Variants in AK5 observed in about 807,000 individuals in gnomAD.
AK5 encodes adenylate kinase 5.
AK5 carries 27 observed loss-of-function variants against 69.5 expected under a neutral mutation model. The ratio of observed to expected loss-of-function variants is 0.39; its 90% CI spans 0.29 to 0.54. The LOEUF is 0.54. AK5 is among the 20% of genes least tolerant of loss of function. The pLI is 0.71. For synonymous variants in AK5, 260 were observed against 244.4 expected, an observed-to-expected ratio of 1.06 and a Z score of -0.60; for missense variants, 531 against 700.4, an observed-to-expected ratio of 0.76 and a Z score of 2.73.
At chr1:77,423,527 C>T (rs922025534) in intron 8 of AK5, among the ~76,000 whole-genome samples, 1 of 151,954 alleles carries the variant, frequency 6.6e-6, no homozygotes, top group Non-Finnish European at 1.5e-5. Flanking sequence ...TTAGATCTGT[C>T]AGAGAAGTGA....
chr1:77,497,899 G>C (rs538247153), intron 10 of AK5, among the ~76,000 whole-genome samples: 1 of 152,114 alleles, frequency 6.6e-6, no homozygotes, highest in Non-Finnish European at 1.5e-5. Context: ...AACATCTTAA[G>C]ATTGAGATGC....
intron 8 of AK5, among the ~76,000 whole-genome samples, chr1:77,440,192 G>A (rs1652238658): frequency 6.6e-6 from 1 of 152,068 alleles, no homozygotes; most frequent in Non-Finnish European, 1.5e-5. Flanking sequence ...CTCAGTTTTT[G>A]GTTGTCTGGG....
intron 1 of AK5, chr1:77,283,283 C>T (rs1658165636): frequency 2.0e-6 from 2 of 985,298 alleles, no homozygotes; most frequent in Non-Finnish European, 2.4e-6. Flanking sequence ...AGTGCTTTTG[C>T]TTGAAGTAGG....
chr1:77,343,254 T>G (rs1335499015), intron 6 of AK5, among the ~76,000 whole-genome samples: 1 of 152,188 alleles, frequency 6.6e-6, no homozygotes, highest in Non-Finnish European at 1.5e-5. Flanking sequence ...CACTTATCTC[T>G]GCACAAAGTT....
intron 10 of AK5, among the ~76,000 whole-genome samples, chr1:77,508,712 C>T (rs995017795): frequency 7.9e-5 from 12 of 152,030 alleles, no homozygotes; most frequent in East Asian, 3.9e-4. Flanking sequence ...ACTAAAAATA[C>T]GAAAAACAGC....
chr1:77,515,373 G>T (rs1657578089), intron 10 of AK5, among the ~76,000 whole-genome samples: 1 of 152,194 alleles, frequency 6.6e-6, no homozygotes, highest in Non-Finnish European at 1.5e-5. Flanking sequence ...ACCGCACAAA[G>T]AAAGGAGTTT....
At chr1:77,363,947 A>G (rs1468009704) in intron 6 of AK5, among the ~76,000 whole-genome samples, 5 of 152,116 alleles carry the variant, frequency 3.3e-5, no homozygotes, top group East Asian at 1.9e-4. Flanking sequence ...GTTAGATTGT[A>G]AGCTCCATGA....
chr1:77,311,322 A>G (rs534357346), intron 5 of AK5, among the ~76,000 whole-genome samples: 1 of 152,278 alleles, frequency 6.6e-6, no homozygotes, highest in Non-Finnish European at 1.5e-5. Flanking sequence ...AGTGATCTTG[A>G]GTTTAATTTC....
At position 77,334,267 on chromosome 1, in the gene AK5, AGT is replaced by A. The variant is rs1346631051; in HGVS notation, c.700-6107_700-6106del. ...TTATATATCAACACTTTAAAAAAAT[AGT>A]GTCATTGTTTTCTGACTTTCATTGT... On this transcript the variant is annotated intron_variant, in intron 5 of 13. Transcript: ENST00000354567. Among the ~76,000 whole-genome samples, 7 of 152,330 alleles carry A rather than the reference AGT, an allele frequency of 4.6e-5. No individual in the cohort carries two copies. The East Asian group carries it at 1.3e-3, about 29-fold the overall frequency.
intron 5 of AK5, among the ~76,000 whole-genome samples, chr1:77,324,544 A>G (rs1660697196): frequency 6.6e-6 from 1 of 152,210 alleles, no homozygotes; most frequent in South Asian, 2.1e-4. Context: ...AGTGATAATT[A>G]GTAATGATGA....
intron 13 of AK5, among the ~76,000 whole-genome samples, chr1:77,550,742 T>C (rs1269974048): frequency 6.6e-6 from 1 of 152,204 alleles, no homozygotes; most frequent in Non-Finnish European, 1.5e-5. Flanking sequence ...ACTCTCCACA[T>C]GGGAATTAGA....
At chr1:77,422,711 T>C (rs1225720821) in intron 8 of AK5, among the ~76,000 whole-genome samples, 1 of 152,196 alleles carries the variant, frequency 6.6e-6, no homozygotes, top group African/African-American at 2.4e-5. Context: ...TAATATTATC[T>C]TGCATTTCAG....
intron 10 of AK5, among the ~76,000 whole-genome samples, chr1:77,509,535 T>C (rs140807835): frequency 3.9e-3 from 588 of 152,280 alleles, no homozygotes; most frequent in Non-Finnish European, 7.1e-3. Flanking sequence ...GATGGCATAA[T>C]AATTTTTCTC....
chr1:77,433,038 T>C (rs1199366331), intron 8 of AK5, among the ~76,000 whole-genome samples: 1 of 152,188 alleles, frequency 6.6e-6, no homozygotes, highest in Non-Finnish European at 1.5e-5. Context: ...GTCCTTCTTT[T>C]TTCGGGTATG....
intron 5 of AK5, among the ~76,000 whole-genome samples, chr1:77,335,347 C>T (rs1201532821): frequency 6.7e-6 from 1 of 149,418 alleles, no homozygotes; most frequent in Non-Finnish European, 1.5e-5. Context: ...TGAAAGTTTA[C>T]TTCCATGTAG....
intron 1 of AK5, among the ~76,000 whole-genome samples, chr1:77,284,630 AC>A (rs1411459003): frequency 6.6e-6 from 1 of 152,278 alleles, no homozygotes; most frequent in Non-Finnish European, 1.5e-5. Context: ...ATTCTGGCTA[AC>A]CTTATGGTGT....
At chr1:77,352,986 C>T (rs1662291666) in intron 6 of AK5, among the ~76,000 whole-genome samples, 1 of 152,122 alleles carries the variant, frequency 6.6e-6, no homozygotes, top group Admixed American at 6.5e-5. Flanking sequence ...ACCTAATTGG[C>T]TTTATCTTCT....
chr1:77,438,949 A>G (rs960616863), intron 8 of AK5, among the ~76,000 whole-genome samples: 1 of 152,174 alleles, frequency 6.6e-6, no homozygotes, highest in Non-Finnish European at 1.5e-5. Flanking sequence ...ATAATGTCCA[A>G]AAAACTCACC....
chr1:77,366,242 C>T (rs1470814839), intron 6 of AK5, among the ~76,000 whole-genome samples: 2 of 152,118 alleles, frequency 1.3e-5, no homozygotes, highest in East Asian at 1.9e-4. Context: ...TCTATTTGCT[C>T]ATCTGTGAAC....
Sources: allele counts gnomAD v4.1 joint callset (sites outside exome capture counted in the v4.1 genomes callset), GRCh38; gene constraint gnomAD v4.1.1; transcripts MANE v1.5; gene names NCBI Gene and HGNC (gene_info 2026-07-23, HGNC 2026-07-21).